The following PDE4D variants were observed in gnomAD, a reference collection of about 807,000 sequenced individuals.
The protein encoded by PDE4D is 3',5'-cyclic-AMP phosphodiesterase 4D.
A neutral mutation model predicts 87.4 loss-of-function variants in PDE4D; 24 were observed. The ratio of observed to expected loss-of-function variants is 0.27; its 90% confidence interval spans 0.20 to 0.39. PDE4D has a LOEUF of 0.39. PDE4D is among the 10% of genes least tolerant of loss of function. The pLI, the probability that PDE4D is intolerant of heterozygous loss-of-function variation, is 1.00. For missense variants in PDE4D, 714 were observed against 1,041.0 expected, an observed-to-expected ratio of 0.69 and a Z score of 4.32; for synonymous variants, 384 against 383.2, an observed-to-expected ratio of 1.00 and a Z score of -0.02.
intron 1 of PDE4D, among the ~76,000 whole-genome samples, chr5:59,470,189 T>C (rs1802234415): frequency 6.6e-6 from 1 of 152,190 alleles, no homozygotes; most frequent in African/African-American, 2.4e-5. Context: ...CTGAGAATGC[T>C]GAGTCACATA....
chr5:60,272,123 A>T lies in PDE4D; in HGVS notation c.-89-86436T>A, dbSNP rs190373093. Among the ~76,000 whole-genome samples the T allele has an allele frequency of 2.6e-5, 4 of 152,350 alleles. No homozygotes were observed. The East Asian group carries it at 5.8e-4, about 22-fold the overall frequency. On this transcript the variant is annotated intron_variant, in intron 1 of 16. Coordinates refer to the PDE4D transcript ENST00000502484. ...AGAAACAGTGACATTAATTTGTGCT[A>T]GAATGTGGTCTATAAAGGGATCATC...
At chr5:59,082,064 C>T (rs1239570586) in intron 5 of PDE4D, among the ~76,000 whole-genome samples, 2 of 152,052 alleles carry the variant, frequency 1.3e-5, no homozygotes, top group African/African-American at 4.8e-5. Context: ...CTGAGGTCTC[C>T]CCAGCCATGC....
At chr5:59,383,708 T>C (rs244596) in intron 1 of PDE4D, among the ~76,000 whole-genome samples, 57,216 of 151,718 alleles carry the variant, frequency 0.38, 12,138 homozygotes, top group African/African-American at 0.58. Flanking sequence ...AATACACATA[T>C]GAAAAAACCA....
intron 1 of PDE4D, among the ~76,000 whole-genome samples, chr5:60,287,995 G>C (rs1752562669): frequency 6.6e-6 from 1 of 152,128 alleles, no homozygotes. Flanking sequence ...ATTGTACCTA[G>C]AGCTAAATAA....
intron 1 of PDE4D, among the ~76,000 whole-genome samples, chr5:60,312,087 A>C (rs1005169889): frequency 7.9e-5 from 12 of 152,206 alleles, no homozygotes; most frequent in African/African-American, 2.4e-4. Flanking sequence ...ATAACCACAT[A>C]ATAATAGTGG....
At chr5:60,284,049 C>T (rs1390285399) in intron 1 of PDE4D, among the ~76,000 whole-genome samples, 1 of 152,072 alleles carries the variant, frequency 6.6e-6, no homozygotes, top group Non-Finnish European at 1.5e-5. Flanking sequence ...GAGACAAGAT[C>T]CAACTAATTG....
chr5:59,411,257 T>A (rs60599837), intron 1 of PDE4D, among the ~76,000 whole-genome samples: 6,112 of 151,084 alleles, frequency 0.04, 423 homozygotes, highest in African/African-American at 0.14. Flanking sequence ...ACTTTGTTGA[T>A]TTTTTCCTCT....
intron 1 of PDE4D, among the ~76,000 whole-genome samples, chr5:59,642,348 T>C (rs997103752): frequency 6.6e-6 from 1 of 152,194 alleles, no homozygotes. Context: ...ATTAAACTTA[T>C]ATAGTTTTCT....
intron 1 of PDE4D, among the ~76,000 whole-genome samples, chr5:60,393,896 A>C (rs1762715050): frequency 6.6e-6 from 1 of 152,198 alleles, no homozygotes; most frequent in Admixed American, 6.5e-5. Flanking sequence ...TTAGGGTACT[A>C]ATCTATGTGT....
At chr5:60,237,691 A>G (rs1746584181) in intron 1 of PDE4D, among the ~76,000 whole-genome samples, 1 of 151,768 alleles carries the variant, frequency 6.6e-6, no homozygotes, top group Non-Finnish European at 1.5e-5. Context: ...GCTGTTCTGA[A>G]TCTTGATTGA....
intron 2 of PDE4D, among the ~76,000 whole-genome samples, chr5:60,013,748 T>C (rs1042552391): frequency 3.9e-5 from 6 of 152,262 alleles, no homozygotes; most frequent in African/African-American, 1.4e-4. Context: ...GGCCTTGCCA[T>C]ATGACTTACT....
chr5:59,765,831 A>G (rs1762722238), intron 1 of PDE4D, among the ~76,000 whole-genome samples: 1 of 152,228 alleles, frequency 6.6e-6, no homozygotes, highest in African/African-American at 2.4e-5. Flanking sequence ...GAACAGCAAG[A>G]TTATCTTAGC....
At chr5:59,127,895 T>C (rs1340370257) in intron 5 of PDE4D, among the ~76,000 whole-genome samples, 1 of 152,052 alleles carries the variant, frequency 6.6e-6, no homozygotes, top group African/African-American at 2.4e-5. Flanking sequence ...AGTCTCCTTC[T>C]GCCGGCAGCT....
chr5:60,363,563 CA>C (rs1218324871), intron 1 of PDE4D, among the ~76,000 whole-genome samples: 134 of 152,250 alleles, frequency 8.8e-4, no homozygotes, highest in Non-Finnish European at 5.0e-4. Flanking sequence ...ACTGCTTTCA[CA>C]AGGCTTACAT....
chr5:59,289,266 T>G (rs1365113028), intron 1 of PDE4D, among the ~76,000 whole-genome samples: 1 of 152,112 alleles, frequency 6.6e-6, no homozygotes, highest in Non-Finnish European at 1.5e-5. Context: ...GCAATCAGTG[T>G]TAAGTTGTTA....
At chr5:59,404,664 TAAAA>T (rs141310449) in intron 1 of PDE4D, among the ~76,000 whole-genome samples, 2,011 of 137,158 alleles carry the variant, frequency 0.015, 52 homozygotes, top group African/African-American at 0.052. Flanking sequence ...AGACTCTGTC[TAAAA>T]AAAAAAAAAA....
intron 1 of PDE4D, among the ~76,000 whole-genome samples, chr5:59,700,450 A>G (rs1029571951): frequency 6.6e-6 from 1 of 152,238 alleles, no homozygotes; most frequent in East Asian, 1.9e-4. Context: ...ATTAAATAAA[A>G]CAGCTATCTC....
intron 2 of PDE4D, among the ~76,000 whole-genome samples, chr5:60,179,701 A>G (rs914040995): frequency 1.3e-5 from 2 of 152,144 alleles, no homozygotes; most frequent in South Asian, 4.1e-4. Flanking sequence ...AGTGCTGACC[A>G]TGGGAAACAA....
chr5:60,494,639 C>T, intron 1 of PDE4D, among the ~76,000 whole-genome samples: 1 of 152,198 alleles, frequency 6.6e-6, no homozygotes, highest in Non-Finnish European at 1.5e-5. Context: ...ACCTCCCTCC[C>T]ATCAACTAAA....
Sources: allele counts gnomAD v4.1 joint callset (sites outside exome capture counted in the v4.1 genomes callset), GRCh38; gene constraint gnomAD v4.1.1; transcripts MANE v1.5; gene names NCBI Gene and HGNC (gene_info 2026-07-23, HGNC 2026-07-21).